The following CAPS2 variants were observed in gnomAD, a reference collection of about 807,000 sequenced individuals.
CAPS2 encodes calcyphosin-2.
Under a neutral mutation model 86.5 loss-of-function variants are expected in CAPS2, and 98 were observed. That is an observed-to-expected ratio of 1.13 (90% CI 0.96 to 1.34). The LOEUF (loss-of-function observed/expected upper bound fraction) is 1.34, where lower values mean the gene tolerates loss of function less well. Ranked by LOEUF, CAPS2 falls within the 40% of genes most tolerant of loss-of-function variation. The pLI is 0.00. For synonymous variants in CAPS2, 210 were observed against 225.1 expected (o/e 0.93, Z 0.60); for missense variants, 729 against 686.8 (o/e 1.06, Z -0.69).
At chr12:75,293,561 A>G (rs2036378639) in intron 11 of CAPS2, among the ~76,000 whole-genome samples, 194 bp from the exon 12 acceptor site, 1 of 152,222 alleles carries the variant, frequency 6.6e-6, no homozygotes, top group Non-Finnish European at 1.5e-5. Flanking sequence ...CAATCTCAGA[A>G]GTCTTCTATT....
chr12:75,315,619 C>G (rs2039680071), intron 6 of CAPS2, among the ~76,000 whole-genome samples: 1 of 151,988 alleles, frequency 6.6e-6, no homozygotes, highest in Non-Finnish European at 1.5e-5. Flanking sequence ...TAACTAAATC[C>G]ATATTGCTTT....
chr12:75,345,324 A>G (rs891529050), intron 1 of CAPS2, among the ~76,000 whole-genome samples: 2 of 152,052 alleles, frequency 1.3e-5, no homozygotes, highest in African/African-American at 4.8e-5. Flanking sequence ...CTTGAAAACC[A>G]TTACTTCCTA....
chr12:75,280,535 AAAT>A (rs898577128), intron 16 of CAPS2, among the ~76,000 whole-genome samples: 125 of 151,994 alleles, frequency 8.2e-4, no homozygotes, highest in African/African-American at 3.0e-3. Context: ...TTAGCAACCT[AAAT>A]AATATTATTA....
At chr12:75,302,229 A>C (rs978876801) in intron 8 of CAPS2, among the ~76,000 whole-genome samples, 4 of 152,146 alleles carry the variant, frequency 2.6e-5, no homozygotes, top group African/African-American at 9.6e-5. Context: ...TCTAATCGAT[A>C]CCCCCACAGG....
chr12:75,294,307 T>TC (rs1378196545), intron 11 of CAPS2, among the ~76,000 whole-genome samples: 1 of 152,146 alleles, frequency 6.6e-6, no homozygotes, highest in African/African-American at 2.4e-5. Context: ...AGGATGTCCC[T>TC]CCCCTCCATT....
chr12:75,340,424 G>C (rs2042025975), intron 1 of CAPS2, among the ~76,000 whole-genome samples: 1 of 151,442 alleles, frequency 6.6e-6, no homozygotes, highest in South Asian at 2.1e-4. Context: ...TTGACCTAAA[G>C]AGCAAAAATT....
chr12:75,386,249 T>A (rs1190030723), intron 1 of CAPS2, among the ~76,000 whole-genome samples: 1 of 152,182 alleles, frequency 6.6e-6, no homozygotes, highest in Admixed American at 6.5e-5. Flanking sequence ...CTACGTGACA[T>A]TAAGACTTAC....
chr12:75,316,327 T>C, exon 6 of CAPS2: 1 of 1,550,962 alleles, frequency 6.4e-7, no homozygotes, highest in South Asian at 1.2e-5. Context: ...CCAATTTTCT[T>C]GCCCTCTGTT....
intron 1 of CAPS2, among the ~76,000 whole-genome samples, chr12:75,342,141 G>C (rs890132194): frequency 1.2e-4 from 19 of 152,232 alleles, no homozygotes; most frequent in African/African-American, 4.6e-4. Flanking sequence ...GTGAGTGGTT[G>C]TGACTTAATG....
intron 15 of CAPS2, among the ~76,000 whole-genome samples, chr12:75,282,682 C>T (rs1227614013): frequency 6.6e-6 from 1 of 152,046 alleles, no homozygotes; most frequent in African/African-American, 2.4e-5. Flanking sequence ...CCACCACGTC[C>T]GGCCTGGCAA....
At chr12:75,342,206 G>C (rs569287560) in intron 1 of CAPS2, among the ~76,000 whole-genome samples, 1 of 152,084 alleles carries the variant, frequency 6.6e-6, no homozygotes, top group South Asian at 2.1e-4. Flanking sequence ...TAGATATTGT[G>C]GGAGTGATTA....
chr12:75,338,833 T>A (rs1053035315), intron 1 of CAPS2, among the ~76,000 whole-genome samples: 3 of 76,804 alleles, frequency 3.9e-5, no homozygotes, highest in African/African-American at 9.5e-5. Context: ...CTCCCACTTA[T>A]AAGTGAGAAC....
At chr12:75,356,580 G>A (rs1289955585) in intron 1 of CAPS2, among the ~76,000 whole-genome samples, 1 of 151,922 alleles carries the variant, frequency 6.6e-6, no homozygotes, top group South Asian at 2.1e-4. Flanking sequence ...CAGGTAAAAT[G>A]GAATTTTTAA....
chr12:75,380,173 T>C (rs1402195378), intron 1 of CAPS2, among the ~76,000 whole-genome samples: 1 of 152,148 alleles, frequency 6.6e-6, no homozygotes, highest in African/African-American at 2.4e-5. Flanking sequence ...CTTCTGACGG[T>C]TTTATATTAT....
At position 75,293,229 on chromosome 12, in the gene CAPS2, C is replaced by G; in HGVS notation, c.1163+20G>C. On this transcript the variant is annotated intron_variant, in intron 12 of 16. Coordinates refer to ENST00000393284, the Ensembl canonical transcript of CAPS2. Reference sequence around the variant, plus strand: ...GTGTTTTCACCTACTTTCAAATTGCCAAATGCATATTTAACTTACTTGAGA... The same window carrying G: ...GTGTTTTCACCTACTTTCAAATTGCGAAATGCATATTTAACTTACTTGAGA... 7.1e-7 allele frequency: 1 copy of G among 1,402,476 alleles called. No homozygotes were observed. Among genetic ancestry groups the G allele is most frequent in the South Asian group, 1.2e-5 (1 of 83,708 alleles). 86.9% of individuals were successfully genotyped at this position (1,402,476 alleles called of 1,614,324 possible).
chr12:75,292,768 T>C (rs2036213759), intron 12 of CAPS2, among the ~76,000 whole-genome samples: 3 of 149,218 alleles, frequency 2.0e-5, no homozygotes, highest in East Asian at 1.9e-4. Flanking sequence ...ATTCCTGTTA[T>C]TAAAAAAATT....
chr12:75,344,279 G>A (rs1413730070), intron 1 of CAPS2, among the ~76,000 whole-genome samples: 1 of 151,960 alleles, frequency 6.6e-6, no homozygotes, highest in African/African-American at 2.4e-5. Flanking sequence ...AAAGCCACTT[G>A]AAGTTCTTCC....
chr12:75,304,967 T>C, intron 7 of CAPS2, 91 bp from the exon 8 acceptor site: 3 of 1,075,044 alleles, frequency 2.8e-6, no homozygotes, highest in Non-Finnish European at 3.9e-6. Flanking sequence ...AAAGCTCATA[T>C]ACCAAATGCA....
chr12:75,374,297 C>T (rs1028003664), intron 1 of CAPS2, among the ~76,000 whole-genome samples: 1 of 152,192 alleles, frequency 6.6e-6, no homozygotes, highest in Admixed American at 6.5e-5. Context: ...TCGAGTTACT[C>T]GACAGATGGG....
Sources: gnomAD v4.1 joint callset for allele counts (sites outside exome capture counted in the v4.1 genomes callset) on GRCh38, gnomAD v4.1.1 for gene constraint, MANE v1.5 for transcripts, NCBI Gene and HGNC (gene_info 2026-07-23, HGNC 2026-07-21) for gene names.